The following PLGRKT variants were observed in gnomAD, a reference collection of about 807,000 sequenced individuals.
The protein encoded by PLGRKT is plasminogen receptor with a C-terminal lysine, also known as plasminogen receptor (KT).
Under a neutral mutation model 18.5 loss-of-function variants are expected in PLGRKT, and 22 were observed. The ratio of observed to expected loss-of-function variants is 1.19; its 90% CI spans 0.85 to 1.70. The LOEUF (loss-of-function observed/expected upper bound fraction) is 1.70, where lower values mean the gene tolerates loss of function less well. Ranked by LOEUF, PLGRKT falls within the 40% of genes most tolerant of loss-of-function variation. The pLI, the probability that PLGRKT is intolerant of heterozygous loss-of-function variation, is 0.00. For synonymous variants in PLGRKT, 72 were observed against 52.8 expected, an observed-to-expected ratio of 1.36 and a Z score of -1.58; for missense variants, 235 against 174.4, an observed-to-expected ratio of 1.35 and a Z score of -1.96.
intron 3 of PLGRKT, among the ~76,000 whole-genome samples, chr9:5,424,732 G>C (rs1196283879): frequency 7.1e-6 from 1 of 140,604 alleles, no homozygotes; most frequent in Non-Finnish European, 1.5e-5. Flanking sequence ...GAGAGAGAGA[G>C]AGAGAAAGAG....
rs144341648 is a variant in PLGRKT, at chr9:5,425,398, G to A, written c.81+6499C>T. On this transcript the variant is annotated intron_variant, in intron 3 of 5. Transcript: ENST00000223864. ...CTCCATCACAATTTGAACCAAAGTCGTAAGTTAAAAAAAGAAAACCTTTTG... is the reference window on the plus strand; with the variant it reads ...CTCCATCACAATTTGAACCAAAGTCATAAGTTAAAAAAAGAAAACCTTTTG... Among the ~76,000 whole-genome samples the A allele has an allele frequency of 9.6e-3, 1,460 of 152,162 alleles. 8 individuals carry two copies. Among genetic ancestry groups the A allele is most frequent in the Middle Eastern group, 0.031 (9 of 294 alleles).
intron 3 of PLGRKT, among the ~76,000 whole-genome samples, chr9:5,427,838 T>C (rs1818732858): frequency 6.6e-6 from 1 of 152,148 alleles, no homozygotes; most frequent in Non-Finnish European, 1.5e-5. Context: ...TTACAGGACG[T>C]GAGAAGATTC....
chr9:5,437,900 C>T lies in PLGRKT; in HGVS notation c.-244G>A, dbSNP rs796307295. ...GCTCCGCCCAGCGTCGGGATTGGCG[C>T]CCAGACACAGTAGATGACGCACCTC... is the stretch of plus-strand genomic sequence containing the variant. On this transcript the variant is annotated 5_prime_UTR_variant, in exon 1 of 6. Transcript: ENST00000223864. 12 of 152,410 alleles carry T rather than the reference C, an allele frequency of 7.9e-5. No individual in the cohort carries two copies. The highest frequency in any genetic ancestry group is 2.6e-4 in the African/African-American group (11 of 41,596). The allele number at this position is 152,410 out of a possible 1,614,324, so 9.4% of individuals were successfully genotyped here. A position where few individuals can be genotyped will look rare whatever the true frequency, so the allele number is the denominator to read the frequency against.
At chr9:5,384,729 G>A (rs1346046915) in intron 3 of PLGRKT, among the ~76,000 whole-genome samples, 1 of 151,800 alleles carries the variant, frequency 6.6e-6, no homozygotes, top group Non-Finnish European at 1.5e-5. Flanking sequence ...TAGAAATTCA[G>A]AGCTACCTCT....
intron 3 of PLGRKT, among the ~76,000 whole-genome samples, chr9:5,374,258 C>A (rs1817585063): frequency 6.6e-6 from 1 of 152,198 alleles, no homozygotes; most frequent in South Asian, 2.1e-4. Context: ...CATCATTACC[C>A]ATCAATAGAA....
At chr9:5,400,661 T>C (rs10975096) in intron 3 of PLGRKT, among the ~76,000 whole-genome samples, 43,035 of 151,776 alleles carry the variant, frequency 0.28, 7,149 homozygotes, top group African/African-American at 0.43. Context: ...ATATAAATAT[T>C]ATAAAAGTAC....
chr9:5,431,522 A>G (rs10758689), intron 3 of PLGRKT, among the ~76,000 whole-genome samples: 74,383 of 138,634 alleles, frequency 0.54, 22,716 homozygotes, highest in Non-Finnish European at 0.68. Context: ...CAACACAGTG[A>G]GACTCTCTCA....
At chr9:5,434,367 C>A (rs1325063616) in intron 2 of PLGRKT, among the ~76,000 whole-genome samples, 8 of 144,916 alleles carry the variant, frequency 5.5e-5, no homozygotes, top group Admixed American at 4.8e-4. Context: ...CTCTGCCCGG[C>A]CGCCCCATTT....
chr9:5,377,138 A>G (rs560633153), intron 3 of PLGRKT, among the ~76,000 whole-genome samples: 2 of 152,280 alleles, frequency 1.3e-5, no homozygotes, highest in East Asian at 1.9e-4. Context: ...AACCGTTACA[A>G]TGACTTTCCT....
intron 3 of PLGRKT, among the ~76,000 whole-genome samples, chr9:5,429,914 T>C (rs1818787452): frequency 1.3e-5 from 2 of 151,950 alleles, no homozygotes; most frequent in Non-Finnish European, 2.9e-5. Flanking sequence ...TTGGGGTGGG[T>C]CAACCAGGAC....
intron 3 of PLGRKT, among the ~76,000 whole-genome samples, chr9:5,367,030 T>TATAC (rs1554626416): frequency 8.9e-6 from 1 of 112,410 alleles, no homozygotes; most frequent in East Asian, 2.4e-4. Flanking sequence ...TACACACACA[T>TATAC]ACACACACAC....
chr9:5,424,214 A>G (rs1049808426), intron 3 of PLGRKT, among the ~76,000 whole-genome samples: 4 of 138,052 alleles, frequency 2.9e-5, no homozygotes, highest in African/African-American at 8.0e-5. Flanking sequence ...TATATGTAAT[A>G]TGTAATATAT....
chr9:5,376,403 C>A (rs1237819625), intron 3 of PLGRKT, among the ~76,000 whole-genome samples: 1 of 152,134 alleles, frequency 6.6e-6, no homozygotes, highest in Non-Finnish European at 1.5e-5. Context: ...GGGTAGGTCC[C>A]TTAATCTCTC....
At chr9:5,372,409 C>T (rs543461136) in intron 3 of PLGRKT, among the ~76,000 whole-genome samples, 10 of 152,084 alleles carry the variant, frequency 6.6e-5, no homozygotes, top group African/African-American at 2.4e-4. Context: ...CTATGAGTTG[C>T]AGACAATGGA....
intron 4 of PLGRKT, 131 bp downstream of exon 4, chr9:5,361,627 G>A: frequency 2.5e-6 from 2 of 792,002 alleles, no homozygotes; most frequent in Non-Finnish European, 4.0e-6. Context: ...AAGGACTAAG[G>A]TTAATAGGTT....
At chr9:5,433,262 G>A (rs1818870200) in intron 2 of PLGRKT, among the ~76,000 whole-genome samples, 1 of 148,592 alleles carries the variant, frequency 6.7e-6, no homozygotes, top group African/African-American at 2.5e-5. Flanking sequence ...CCTCTGCCTG[G>A]CCACCCCGTC....
intron 3 of PLGRKT, among the ~76,000 whole-genome samples, chr9:5,376,531 AAAC>A (rs1476214656): frequency 6.6e-6 from 1 of 152,172 alleles, no homozygotes; most frequent in Non-Finnish European, 1.5e-5. Flanking sequence ...CTGAATTTGG[AAAC>A]AACAACATTA....
In PLGRKT at chr9:5,371,830, T is replaced by C. The variant is rs149538867; in HGVS notation, c.82-9942A>G. Among the ~76,000 whole-genome samples, 459 of 152,108 alleles carry C rather than the reference T, an allele frequency of 3.0e-3. 2 individuals carry two copies. The highest frequency in any genetic ancestry group is 0.01 in the African/African-American group (420 of 41,466). ...ATTTTAAAGAGTACATATTTCATAG[T>C]ATGATAGCTAATATTCCACTATGTC... is the stretch of plus-strand genomic sequence containing the variant. On this transcript the variant is annotated intron_variant, in intron 3 of 5. Transcript: ENST00000223864.
At chr9:5,384,524 G>T (rs901725757) in intron 3 of PLGRKT, among the ~76,000 whole-genome samples, 1 of 152,020 alleles carries the variant, frequency 6.6e-6, no homozygotes, top group Non-Finnish European at 1.5e-5. Context: ...TACTCAGAAG[G>T]TAAAGTCAAA....
Sources: gnomAD v4.1 joint callset for allele counts (sites outside exome capture counted in the v4.1 genomes callset) on GRCh38, gnomAD v4.1.1 for gene constraint, MANE v1.5 for transcripts, NCBI Gene and HGNC (gene_info 2026-07-23, HGNC 2026-07-21) for gene names.